Variants in CDH4 observed in about 807,000 individuals in gnomAD.
CDH4 encodes the protein cadherin 4.
Under a neutral mutation model 86.0 loss-of-function variants are expected in CDH4, and 33 were observed. That is an observed-to-expected ratio of 0.38 (90% confidence interval 0.29 to 0.51). The LOEUF is 0.51. CDH4 is among the 20% of genes least tolerant of loss of function. The pLI, the probability that CDH4 is intolerant of heterozygous loss-of-function variation, is 0.86. For synonymous variants in CDH4, 555 were observed against 549.4 expected (o/e 1.01, Z -0.14); for missense variants, 1,114 against 1,307.4 (o/e 0.85, Z 2.28).
At chr20:61,613,534 C>T (rs1220719486) in intron 2 of CDH4, among the ~76,000 whole-genome samples, 1 of 150,634 alleles carries the variant, frequency 6.6e-6, no homozygotes, top group Non-Finnish European at 1.5e-5. Context: ...ATAAACTGTC[C>T]ATCTGTGTGC....
At chr20:61,541,713 T>G (rs2086040872) in intron 2 of CDH4, among the ~76,000 whole-genome samples, 1 of 152,224 alleles carries the variant, frequency 6.6e-6, no homozygotes, top group Non-Finnish European at 1.5e-5. Flanking sequence ...TGCTAGAATT[T>G]TATGGCTTTT....
chr20:61,923,340 A>G (rs1057363280), intron 9 of CDH4, 111 bp from the exon 10 acceptor site: 13 of 1,049,346 alleles, frequency 1.2e-5, no homozygotes, highest in African/African-American at 3.1e-5. Flanking sequence ...AGCAGAGAAG[A>G]GCTGGACATG....
At chr20:61,900,409 G>T (rs557911817) in intron 8 of CDH4, among the ~76,000 whole-genome samples, 1 of 152,138 alleles carries the variant, frequency 6.6e-6, no homozygotes, top group Non-Finnish European at 1.5e-5. Context: ...GGTGGCAGCC[G>T]CAGGGACCAG....
intron 7 of CDH4, among the ~76,000 whole-genome samples, chr20:61,885,820 A>C (rs552240920): frequency 4.6e-5 from 7 of 152,294 alleles, no homozygotes; most frequent in African/African-American, 1.7e-4. Context: ...GATGAGACGG[A>C]GAGCAGGACC....
chr20:61,626,798 C>T (rs187637344), intron 2 of CDH4, among the ~76,000 whole-genome samples: 7 of 152,202 alleles, frequency 4.6e-5, no homozygotes, highest in Non-Finnish European at 8.8e-5. Flanking sequence ...CATTGTAACT[C>T]AGAGCCTCCT....
At chr20:61,564,868 C>G (rs756252416) in intron 2 of CDH4, among the ~76,000 whole-genome samples, 3 of 152,052 alleles carry the variant, frequency 2.0e-5, no homozygotes, top group African/African-American at 4.8e-5. Context: ...GGGGGAGATG[C>G]GGGAGCATAG....
intron 4 of CDH4, among the ~76,000 whole-genome samples, chr20:61,824,893 T>G (rs762505274): frequency 6.6e-6 from 1 of 152,238 alleles, no homozygotes; most frequent in Non-Finnish European, 1.5e-5. Context: ...TGTTGACAGC[T>G]GAAGCATGAG....
At chr20:61,669,970 G>A (rs1189057195) in intron 2 of CDH4, among the ~76,000 whole-genome samples, 1 of 152,190 alleles carries the variant, frequency 6.6e-6, no homozygotes, top group African/African-American at 2.4e-5. Flanking sequence ...CCCTCGAGCT[G>A]TGTGGATCGG....
intron 2 of CDH4, among the ~76,000 whole-genome samples, chr20:61,447,220 G>A (rs150919723): frequency 0.041 from 6,211 of 151,844 alleles, 440 homozygotes; most frequent in African/African-American, 0.14. Context: ...GCGGTGGTGC[G>A]ATCTCAGCTC....
intron 7 of CDH4, among the ~76,000 whole-genome samples, chr20:61,886,356 C>T (rs113644216): frequency 2.0e-3 from 299 of 152,380 alleles, no homozygotes; most frequent in African/African-American, 6.9e-3. Context: ...GATGGCTGTT[C>T]TGCAAAATTT....
chr20:61,388,283 G>C (rs1456280257), intron 2 of CDH4, among the ~76,000 whole-genome samples: 1 of 152,148 alleles, frequency 6.6e-6, no homozygotes, highest in Non-Finnish European at 1.5e-5. Context: ...GTGGGGGTAG[G>C]GGGGTGTGGG....
chr20:61,579,253 G>A (rs1244875095), intron 2 of CDH4, among the ~76,000 whole-genome samples: 2 of 151,922 alleles, frequency 1.3e-5, no homozygotes, highest in Non-Finnish European at 2.9e-5. Flanking sequence ...CCAGGCAGTC[G>A]GGGAGTTGCC....
chr20:61,515,285 C>T lies in CDH4; in HGVS notation c.170-228278C>T, dbSNP rs113569965. Among the ~76,000 whole-genome samples the T allele has an allele frequency of 1.5e-3, 232 of 152,326 alleles. 1 individual carries two copies. The highest frequency in any genetic ancestry group is 5.3e-3 in the African/African-American group (220 of 41,574). ...CCTCACGATGTGGCCTGGGAACCTG[C>T]GGTGAGCATACAGCAGGAACCTGCA... is the stretch of plus-strand genomic sequence containing the variant. On this transcript the variant is annotated intron_variant, in intron 2 of 15. Transcript: ENST00000614565.
At chr20:61,368,546 A>ATTT (rs897452791) in intron 2 of CDH4, among the ~76,000 whole-genome samples, 2,208 of 147,324 alleles carry the variant, frequency 0.015, 59 homozygotes, top group African/African-American at 0.052. Context: ...AGGAATGGTA[A>ATTT]TTTTTTTTTT....
chr20:61,288,415 G>A (rs1157279451), intron 2 of CDH4, among the ~76,000 whole-genome samples: 3 of 152,188 alleles, frequency 2.0e-5, no homozygotes, highest in African/African-American at 4.8e-5. Flanking sequence ...CCCTTTGTCC[G>A]CACTTAGGCC....
At chr20:61,762,948 C>T (rs1411083945) in intron 3 of CDH4, among the ~76,000 whole-genome samples, 3 of 152,230 alleles carry the variant, frequency 2.0e-5, no homozygotes, top group African/African-American at 7.2e-5. Context: ...CCAGCAGAAA[C>T]TGATTTGAAA....
chr20:61,610,637 T>C (rs1406756099), intron 2 of CDH4, among the ~76,000 whole-genome samples: 4 of 152,132 alleles, frequency 2.6e-5, no homozygotes, highest in Non-Finnish European at 5.9e-5. Flanking sequence ...GGGCTCCCCT[T>C]TCCCTGCCTC....
rs572463263 is a variant in CDH4 at position 61,688,132 on chromosome 20, G to T, written c.170-55431G>T. Among the ~76,000 whole-genome samples, 9 of 152,248 alleles carry T rather than the reference G, an allele frequency of 5.9e-5. 1 individual carries two copies. In the South Asian group the frequency reaches 1.9e-3, roughly 32 times the overall value. ...CCCCTACAGCAGCCTCTGAGCTTCT[G>T]CAGGGCCTCCCCTAAGCTGGGCTCA... On this transcript the variant is annotated intron_variant, in intron 2 of 15. Transcript: ENST00000614565.
chr20:61,294,449 C>G (rs2084340985), intron 2 of CDH4, among the ~76,000 whole-genome samples: 1 of 152,176 alleles, frequency 6.6e-6, no homozygotes, highest in Non-Finnish European at 1.5e-5. Context: ...GCCCATCCTA[C>G]TCACAGCTCC....
Sources: allele counts gnomAD v4.1 joint callset (sites outside exome capture counted in the v4.1 genomes callset), GRCh38; gene constraint gnomAD v4.1.1; transcripts MANE v1.5; gene names NCBI Gene and HGNC (gene_info 2026-07-23, HGNC 2026-07-21).